INPP5D: variants seen among roughly 807,000 people sequenced by gnomAD.
The protein encoded by INPP5D is phosphatidylinositol 3,4,5-trisphosphate 5-phosphatase 1.
In INPP5D, 33 loss-of-function variants were observed where a neutral mutation model predicts 122.9. The observed-to-expected ratio is 0.27, with a 90% CI of 0.20 to 0.36. The LOEUF is 0.36. Among genes scored for constraint, INPP5D ranks in the 10% least tolerant of loss-of-function variants. INPP5D has a pLI of 1.00. For synonymous variants in INPP5D, 584 were observed against 576.2 expected, an observed-to-expected ratio of 1.01 and a Z score of -0.19; for missense variants, 1,053 against 1,412.7, an observed-to-expected ratio of 0.75 and a Z score of 4.08.
At chr2:233,069,395 C>CA (rs1691317426) in intron 1 of INPP5D, among the ~76,000 whole-genome samples, 1 of 152,144 alleles carries the variant, frequency 6.6e-6, no homozygotes, top group African/African-American at 2.4e-5. Context: ...AAGTACAAAG[C>CA]AAAAAGCAGA....
At chr2:233,081,082 C>T (rs1363664280) in intron 2 of INPP5D, among the ~76,000 whole-genome samples, 5 of 152,174 alleles carry the variant, frequency 3.3e-5, no homozygotes, top group Non-Finnish European at 7.3e-5. Flanking sequence ...CTAGGGCGCC[C>T]GCAGGTTTGG....
intron 18 of INPP5D, among the ~76,000 whole-genome samples, chr2:233,180,806 TGG>T: frequency 6.7e-6 from 1 of 148,488 alleles, no homozygotes; most frequent in South Asian, 2.1e-4. Flanking sequence ...CCCAAAGTGC[TGG>T]GATTACATGC....
chr2:233,073,796 C>T (rs1273874480), intron 1 of INPP5D, among the ~76,000 whole-genome samples: 1 of 151,678 alleles, frequency 6.6e-6, no homozygotes, highest in Non-Finnish European at 1.5e-5. Context: ...TGTCTTTTTC[C>T]TCGTTCACTT....
intron 6 of INPP5D, among the ~76,000 whole-genome samples, chr2:233,144,125 G>A (rs1693685601): frequency 1.3e-5 from 2 of 149,788 alleles, no homozygotes; most frequent in Non-Finnish European, 3.0e-5. Flanking sequence ...GGTGGAGGTG[G>A]TCATGATCAC....
At chr2:233,088,440 C>T (rs760448663) in intron 2 of INPP5D, among the ~76,000 whole-genome samples, 9 of 152,200 alleles carry the variant, frequency 5.9e-5, no homozygotes, top group Non-Finnish European at 1.2e-4. Flanking sequence ...CGAGATGTCC[C>T]GAGACAAGTT....
At chr2:233,111,579 C>T (rs945544880) in intron 2 of INPP5D, among the ~76,000 whole-genome samples, 3 of 152,212 alleles carry the variant, frequency 2.0e-5, no homozygotes, top group African/African-American at 7.2e-5. Context: ...GGTGTCTCCA[C>T]ATGACATGGC....
At chr2:233,073,423 T>C (rs550793631) in intron 1 of INPP5D, among the ~76,000 whole-genome samples, 9 of 152,218 alleles carry the variant, frequency 5.9e-5, no homozygotes, top group South Asian at 2.1e-4. Context: ...GCGGATCACC[T>C]GAGGTCAGGA....
rs1354095812 is a variant in INPP5D at position 233,198,398 on chromosome 2, A to G, written c.2975+22A>G. ...CAAGGTGAGCATCCTCTTCATTAAG[A>G]CGGCTCCCTCCCTCCTTATGAAAGC... On this transcript the variant is annotated intron_variant, in intron 25 of 26. Coordinates refer to ENST00000445964, the MANE Select transcript of INPP5D (RefSeq NM_001017915.3). 9 of 1,594,942 alleles carry G rather than the reference A, an allele frequency of 5.6e-6. No homozygotes were observed. In the East Asian group the frequency reaches 2.0e-4, roughly 36 times the overall value.
At chr2:233,146,645 C>A (rs553534609) in intron 8 of INPP5D, among the ~76,000 whole-genome samples, 49 of 152,322 alleles carry the variant, frequency 3.2e-4, no homozygotes, top group African/African-American at 1.1e-3. Context: ...TGGGAAATCC[C>A]CTTCGGAGGG....
chr2:233,170,125 G>T lies in INPP5D; in HGVS notation c.1752G>T (p.Trp584Cys). 3.1e-6 allele frequency: 5 copies of T among 1,614,036 alleles called. No homozygotes were observed. Among genetic ancestry groups the T allele is most frequent in the Non-Finnish European group, 4.2e-6 (5 of 1,179,906 alleles). Residue 584 changes from tryptophan (W) to cysteine (C), a missense_variant, in exon 15 of 27, where the codon TGG becomes TGT. This residue lies in a region of INPP5D where 258 missense variants were observed against 439.1 expected (regional missense o/e 0.59). Transcript: ENST00000445964. This position sits in a 1 kb window ranked among gnomAD's most constrained non-coding sequence, Gnocchi z 4.5. Reference protein sequence around the residue: ...NITHRFTHLFWFGDLNYRVDL... With the variant: ...NITHRFTHLFCFGDLNYRVDL... ...CTCACCGCTTCACGCACCTCTTCTG[G>T]TTTGGGGATCTTAACTACCGTGTGG...
intron 2 of INPP5D, among the ~76,000 whole-genome samples, chr2:233,092,744 G>T (rs1692025399): frequency 6.6e-6 from 1 of 152,172 alleles, no homozygotes; most frequent in Non-Finnish European, 1.5e-5. Context: ...GGAGGCCTTG[G>T]ATGCTCCCAA....
chr2:233,143,989 A>T (rs1217476466), intron 6 of INPP5D, among the ~76,000 whole-genome samples: 6 of 140,134 alleles, frequency 4.3e-5, no homozygotes, highest in African/African-American at 1.7e-4. Flanking sequence ...AGTGATGGTG[A>T]TGGTGGAGGT....
chr2:233,181,091 T>A (rs1162596894), intron 18 of INPP5D, among the ~76,000 whole-genome samples: 3 of 152,202 alleles, frequency 2.0e-5, no homozygotes, highest in Non-Finnish European at 4.4e-5. Context: ...ACTCCATCTA[T>A]TCCTTCTCCA....
At chr2:233,061,779 G>A (rs961431461) in intron 1 of INPP5D, among the ~76,000 whole-genome samples, 1 of 152,190 alleles carries the variant, frequency 6.6e-6, no homozygotes, top group Non-Finnish European at 1.5e-5. Flanking sequence ...ACGGCCATCT[G>A]CCCCCAGAGG....
intron 1 of INPP5D, among the ~76,000 whole-genome samples, chr2:233,063,177 C>T (rs1037664068): frequency 1.3e-5 from 2 of 152,160 alleles, no homozygotes; most frequent in African/African-American, 2.4e-5. Context: ...GCAGGCTTTG[C>T]CCCCCTAGCC....
At chr2:233,094,264 G>A (rs1221921741) in intron 2 of INPP5D, among the ~76,000 whole-genome samples, 1 of 151,998 alleles carries the variant, frequency 6.6e-6, no homozygotes, top group Admixed American at 6.6e-5. Context: ...TGTAATCCCA[G>A]CACTTTGGGA....
chr2:233,141,321 C>G (rs1029997108), intron 6 of INPP5D: 17 of 152,162 alleles, frequency 1.1e-4, no homozygotes, highest in African/African-American at 4.1e-4. Context: ...AATCCCAGTA[C>G]TTTGGGAGGC....
At position 233,207,820 on chromosome 2, in the gene INPP5D, G is replaced by T. The variant is rs1178561526; in HGVS notation, c.*1112G>T. On this transcript the variant is annotated 3_prime_UTR_variant, in exon 27 of 27. Coordinates refer to ENST00000445964, the MANE Select transcript of INPP5D (RefSeq NM_001017915.3). This position sits in a 1 kb window ranked among gnomAD's most constrained non-coding sequence, Gnocchi z 4.6. The stretch of plus-strand genomic sequence containing the variant: ...TTAATGTAGGGAGCTAAATCCAGTG[G>T]TGTGTGTGAATGCAGAAGGGAATGC... The T allele has an allele frequency of 1.3e-5, 2 of 152,304 alleles. No individual in the cohort carries two copies. Among genetic ancestry groups the T allele is most frequent in the Admixed American group, 1.3e-4 (2 of 15,284 alleles). The allele number at this position is 152,304 out of a possible 1,614,324, so 9.4% of individuals were successfully genotyped here. A position where few individuals can be genotyped will look rare whatever the true frequency, so the allele number is the denominator to read the frequency against.
chr2:233,165,734 G>A (rs1388276895), intron 13 of INPP5D, among the ~76,000 whole-genome samples: 1 of 151,288 alleles, frequency 6.6e-6, no homozygotes, highest in African/African-American at 2.4e-5. Context: ...CTATGAGTGT[G>A]TGAGTATCTG....
Sources: allele counts gnomAD v4.1 joint callset (sites outside exome capture counted in the v4.1 genomes callset), GRCh38; gene constraint gnomAD v4.1.1; regional missense constraint gnomAD v4.1.1; non-coding constraint Gnocchi (gnomAD v3.1); transcripts MANE v1.5; gene names NCBI Gene and HGNC (gene_info 2026-07-23, HGNC 2026-07-21).